Variants in NUBP1 observed in about 807,000 individuals in gnomAD.
The protein encoded by NUBP1 is NUBP iron-sulfur cluster assembly factor 1, cytosolic.
A neutral mutation model predicts 41.8 loss-of-function variants in NUBP1; 46 were observed. That is an observed-to-expected ratio of 1.10 (90% CI 0.87 to 1.41). The LOEUF is 1.41. Among genes scored for constraint, NUBP1 ranks in the 40% most tolerant of loss-of-function variants. The pLI is 0.00. For synonymous variants in NUBP1, 189 were observed against 154.6 expected (o/e 1.22, Z -1.65); for missense variants, 494 against 414.0 (o/e 1.19, Z -1.68).
chr16:10,761,043 G>T (rs1358593631), intron 7 of NUBP1: 4 of 262,578 alleles, frequency 1.5e-5, no homozygotes, highest in African/African-American at 4.4e-5. Context: ...GAGAGAGAGT[G>T]TGTAGGAGGA....
At chr16:10,762,954 G>A (rs1234298490) in intron 9 of NUBP1, among the ~76,000 whole-genome samples, 2 of 151,706 alleles carry the variant, frequency 1.3e-5, no homozygotes, top group African/African-American at 2.4e-5. Flanking sequence ...GGGAACAGGA[G>A]GCTCAGGAGT....
In NUBP1 at chr16:10,749,851, A is replaced by G. The variant is rs1297911147; in HGVS notation, c.258+2575A>G. Among the ~76,000 whole-genome samples the G allele has an allele frequency of 2.0e-5, 3 of 152,206 alleles. No homozygotes were observed. The highest frequency in any genetic ancestry group is 7.2e-5 in the African/African-American group (3 of 41,458). ...TTGGATCAAGAGAGAGCAGAATTAGAAAACACCCCTGACGAGTCACAGGCT... is the reference window on the plus strand; with the variant it reads ...TTGGATCAAGAGAGAGCAGAATTAGGAAACACCCCTGACGAGTCACAGGCT... On this transcript the variant is annotated intron_variant, in intron 3 of 10. Coordinates refer to ENST00000283027, the MANE Select transcript of NUBP1 (RefSeq NM_002484.4). The surrounding 1 kb of genome is among the most constrained non-coding windows in gnomAD (Gnocchi z 4.1).
rs1404401588 is a variant in NUBP1, at chr16:10,759,324, T to A, written c.606+1297T>A. ...GTCAGAAAATGGTGCAAGATTCATG[T>A]CCACCCTGGCATCCTGCAGAGAGGG... On this transcript the variant is annotated intron_variant, in intron 7 of 10. Coordinates refer to ENST00000283027, the MANE Select transcript of NUBP1 (RefSeq NM_002484.4). The surrounding 1 kb of genome is among the most constrained non-coding windows in gnomAD (Gnocchi z 4.7). Among the ~76,000 whole-genome samples, 3 of 152,158 alleles carry A rather than the reference T, an allele frequency of 2.0e-5. No homozygotes were observed. The highest frequency in any genetic ancestry group is 4.8e-5 in the African/African-American group (2 of 41,430).
intron 2 of NUBP1, among the ~76,000 whole-genome samples, chr16:10,744,670 C>G (rs889829595): frequency 1.3e-5 from 2 of 152,168 alleles, no homozygotes; most frequent in Non-Finnish European, 2.9e-5. Flanking sequence ...TGCTGTGAAG[C>G]ACAGATTCCA....
chr16:10,752,415 T>C (rs1900360644), intron 3 of NUBP1, among the ~76,000 whole-genome samples, 195 bp from the exon 4 acceptor site: 1 of 152,152 alleles, frequency 6.6e-6, no homozygotes, highest in Non-Finnish European at 1.5e-5. Flanking sequence ...GGTAGGGGAA[T>C]GGGGGCATCA....
chr16:10,752,450 G>A (rs1384902796), intron 3 of NUBP1, among the ~76,000 whole-genome samples, 160 bp from the exon 4 acceptor site: 1 of 152,178 alleles, frequency 6.6e-6, no homozygotes, highest in Non-Finnish European at 1.5e-5. Context: ...TGAGATCAGC[G>A]TTAGGACTCT....
At position 10,768,535 on chromosome 16, in the gene NUBP1, A is replaced by T. The variant is rs1372443139; in HGVS notation, c.904+503A>T. 2 of 157,044 alleles carry T rather than the reference A, an allele frequency of 1.3e-5. No homozygotes were observed. Among genetic ancestry groups the T allele is most frequent in the African/African-American group, 4.8e-5 (2 of 41,518 alleles). The allele number at this position is 157,044 out of a possible 1,614,324, so 9.7% of individuals were successfully genotyped here. On this transcript the variant is annotated intron_variant, in intron 10 of 10. Coordinates refer to ENST00000283027, the MANE Select transcript of NUBP1 (RefSeq NM_002484.4). This position sits in a 1 kb window ranked among gnomAD's most constrained non-coding sequence, Gnocchi z 4.3. Reference sequence around the variant, plus strand: ...GGCAGGAGAATCGCTTGAACCTGGGAGGCGGAGGCTGCAGTAAGGCGAGAT... The same window carrying T: ...GGCAGGAGAATCGCTTGAACCTGGGTGGCGGAGGCTGCAGTAAGGCGAGAT...
In NUBP1 at chr16:10,756,773, G is replaced by C. The variant is rs769255894; in HGVS notation, c.444G>C (p.Lys148Asn). Reference sequence around the variant, plus strand: ...ATGCTGTTATCTGGAGGGGACCCAAGAAAAACGGTTTGCCACTCTGCCTTT... The same window carrying C: ...ATGCTGTTATCTGGAGGGGACCCAACAAAAACGGTTTGCCACTCTGCCTTT... The part of the protein sequence containing the change: ...PDDAVIWRGP[K>N]KNGMIKQFLR... The change falls in exon 6 of 11, where the codon AAG becomes AAC. Residue 148 changes from lysine (K) to asparagine (N), a missense_variant. Coordinates refer to ENST00000283027, the MANE Select transcript of NUBP1 (RefSeq NM_002484.4). The C allele has an allele frequency of 5.0e-6, 8 of 1,591,788 alleles. No individual in the cohort carries two copies. Among genetic ancestry groups the C allele is most frequent in the Non-Finnish European group, 6.8e-6 (8 of 1,171,870 alleles).
At chr16:10,762,722 C>A (rs1285646459) in intron 9 of NUBP1, among the ~76,000 whole-genome samples, 1 of 151,904 alleles carries the variant, frequency 6.6e-6, no homozygotes, top group Non-Finnish European at 1.5e-5. Flanking sequence ...TGTCAGGGAA[C>A]CAAGGCCAGT....
intron 4 of NUBP1, among the ~76,000 whole-genome samples, chr16:10,753,953 G>A (rs979482581): frequency 2.6e-5 from 4 of 152,144 alleles, no homozygotes; most frequent in African/African-American, 7.2e-5. Context: ...GTTTGCTTCC[G>A]AGGGAGTAGG....
intron 2 of NUBP1, among the ~76,000 whole-genome samples, chr16:10,744,769 T>A (rs1000092218): frequency 6.6e-6 from 1 of 151,404 alleles, no homozygotes; most frequent in Admixed American, 6.6e-5. Flanking sequence ...TTTTCCCCCT[T>A]TTTTTTTAGA....
At chr16:10,752,851 A>T (rs1900384140) in intron 4 of NUBP1, among the ~76,000 whole-genome samples, 173 bp downstream of exon 4, 1 of 152,172 alleles carries the variant, frequency 6.6e-6, no homozygotes, top group Non-Finnish European at 1.5e-5. Context: ...GCTGGAGTGC[A>T]GTGGTGCAAC....
In NUBP1 at chr16:10,768,135, G is replaced by T; in HGVS notation, c.904+103G>T. 9.3e-7 allele frequency: 1 copy of T among 1,073,346 alleles called. No homozygotes were observed. Among genetic ancestry groups the T allele is most frequent in the South Asian group, 1.3e-5 (1 of 76,942 alleles). 66.5% of individuals were successfully genotyped at this position (1,073,346 alleles called of 1,614,324 possible). On this transcript the variant is annotated intron_variant, in intron 10 of 10. Transcript: ENST00000283027. This position sits in a 1 kb window ranked among gnomAD's most constrained non-coding sequence, Gnocchi z 4.3. Reference sequence around the variant, plus strand: ...ACAGGTGGGTGGTGGGGTCTGTGATGACCACAGAGTGGCCCCCATAGCCGA... The same window carrying T: ...ACAGGTGGGTGGTGGGGTCTGTGATTACCACAGAGTGGCCCCCATAGCCGA...
Position 10,761,815 on chromosome 16 carries a change from T to TG in NUBP1, c.778dup (p.Glu260GlyfsTer16). On this transcript the variant is annotated frameshift_variant, in exon 9 of 11. Transcript: ENST00000283027. LOFTEE classifies it high-confidence loss of function. ...GGCGCGGAGCTCATGTGCCAGGACTTGGAGGTCCCTCTCCTCGGCAGAGTG... is the reference window on the plus strand; with the variant it reads ...GGCGCGGAGCTCATGTGCCAGGACTTGGGAGGTCCCTCTCCTCGGCAGAGTG... 6.2e-7 allele frequency: 1 copy of TG among 1,614,046 alleles called. No individual in the cohort carries two copies. The highest frequency in any genetic ancestry group is 8.5e-7 in the Non-Finnish European group (1 of 1,179,944).
Position 10,768,248 on chromosome 16 carries a change from A to G in NUBP1, c.904+216A>G. ...AAAAAACATGGTGAGGGTGAAATTT[A>G]TGGCTTAGGAAATACATCCCAATAA... On this transcript the variant is annotated intron_variant, in intron 10 of 10. Coordinates refer to ENST00000283027, the MANE Select transcript of NUBP1 (RefSeq NM_002484.4). The surrounding 1 kb of genome is among the most constrained non-coding windows in gnomAD (Gnocchi z 4.3). The G allele has an allele frequency of 2.5e-6, 1 of 394,300 alleles. No individual in the cohort carries two copies. The highest frequency in any genetic ancestry group is 4.6e-6 in the Non-Finnish European group (1 of 219,000). The allele number at this position is 394,300 out of a possible 1,614,324, so 24.4% of individuals were successfully genotyped here.
At chr16:10,747,787 A>G (rs1333068796) in intron 3 of NUBP1, among the ~76,000 whole-genome samples, 1 of 152,218 alleles carries the variant, frequency 6.6e-6, no homozygotes, top group Non-Finnish European at 1.5e-5. Flanking sequence ...CTGTCCTTGC[A>G]TGTGGATAGT....
In NUBP1 at chr16:10,766,388, T is replaced by C. The variant is rs1201858956; in HGVS notation, c.821-1561T>C. On this transcript the variant is annotated intron_variant, in intron 9 of 10. Transcript: ENST00000283027. The surrounding 1 kb of genome is among the most constrained non-coding windows in gnomAD (Gnocchi z 4.8). ...ATAATGCTGCCCGTTCTTGGAGAGGTGGGAGCCCAGGGGGAAATGCAGTTA... is the reference window on the plus strand; with the variant it reads ...ATAATGCTGCCCGTTCTTGGAGAGGCGGGAGCCCAGGGGGAAATGCAGTTA... 6.6e-6 allele frequency among the ~76,000 whole-genome samples: 1 copy of C among 151,926 alleles called. No individual in the cohort carries two copies.
Position 10,767,005 on chromosome 16 carries a change from G to T in NUBP1, c.821-944G>T. The T allele has an allele frequency of 5.0e-6, 2 of 398,662 alleles. No homozygotes were observed. The highest frequency in any genetic ancestry group is 1.3e-4 in the South Asian group (1 of 7,844). 24.7% of individuals were successfully genotyped at this position (398,662 alleles called of 1,614,324 possible). A position where few individuals can be genotyped will look rare whatever the true frequency, so the allele number is the denominator to read the frequency against. ...ACCCCTCCCCACAGGCTTCTTCCCC[G>T]ACTTGGACTTCCCTGTCCCACAGGG... On this transcript the variant is annotated intron_variant, in intron 9 of 10. Coordinates refer to ENST00000283027, the MANE Select transcript of NUBP1 (RefSeq NM_002484.4). This position sits in a 1 kb window ranked among gnomAD's most constrained non-coding sequence, Gnocchi z 4.6.
chr16:10,755,634 TCTTA>T (rs1900511988), intron 4 of NUBP1, 83 bp from the exon 5 acceptor site: 3 of 1,351,468 alleles, frequency 2.2e-6, no homozygotes, highest in Non-Finnish European at 3.2e-6. Flanking sequence ...AAAACCATCG[TCTTA>T]CTTTGTACAA....
Sources: gnomAD v4.1 joint callset for allele counts (sites outside exome capture counted in the v4.1 genomes callset) on GRCh38, gnomAD v4.1.1 for gene constraint, Gnocchi (gnomAD v3.1) non-coding constraint, MANE v1.5 for transcripts, NCBI Gene and HGNC (gene_info 2026-07-23, HGNC 2026-07-21) for gene names.